The following UBR2 variants were observed in gnomAD, a reference collection of about 807,000 sequenced individuals.
UBR2 encodes E3 ubiquitin-protein ligase UBR2.
UBR2 carries 92 observed loss-of-function variants against 247.9 expected under a neutral mutation model. The ratio of observed to expected loss-of-function variants is 0.37; its 90% CI spans 0.31 to 0.44. The LOEUF (loss-of-function observed/expected upper bound fraction) is 0.44. Among genes scored for constraint, UBR2 ranks in the 20% least tolerant of loss-of-function variants. UBR2 has a pLI of 1.00. For synonymous variants in UBR2, 672 were observed against 693.5 expected, an observed-to-expected ratio of 0.97 and a Z score of 0.49; for missense variants, 1,613 against 2,112.6, an observed-to-expected ratio of 0.76 and a Z score of 4.64.
At chr6:42,650,148 C>A in intron 22 of UBR2, 136 bp from the exon 23 acceptor site, 1 of 628,246 alleles carries the variant, frequency 1.6e-6, no homozygotes, top group Non-Finnish European at 2.7e-6. Context: ...CAAATCAACC[C>A]ACTGAAAATA....
intron 16 of UBR2, 73 bp from the exon 17 acceptor site, chr6:42,641,509 A>G: frequency 1.8e-6 from 2 of 1,136,174 alleles, no homozygotes; most frequent in Non-Finnish European, 2.5e-6. Context: ...TCTATCGACC[A>G]AACTTCTTTT....
rs776660577 is a variant in UBR2 at position 42,651,996 on chromosome 6, G to A, written c.2566-27G>A. The A allele has an allele frequency of 7.0e-6, 11 of 1,570,590 alleles. No individual in the cohort carries two copies. The East Asian group carries it at 9.4e-5, about 13-fold the overall frequency. The stretch of plus-strand genomic sequence containing the variant: ...GTGGTGGTGGGCATTACTAATTCCC[G>A]GTCCAAATAACTTTATTTTTTATTA... On this transcript the variant is annotated intron_variant, in intron 23 of 46. Transcript: ENST00000372901.
At chr6:42,567,127 A>G (rs1248194120) in intron 1 of UBR2, among the ~76,000 whole-genome samples, 1 of 152,200 alleles carries the variant, frequency 6.6e-6, no homozygotes. Flanking sequence ...CCATTTAAAA[A>G]TCACCTAATG....
intron 11 of UBR2, among the ~76,000 whole-genome samples, chr6:42,623,894 T>C (rs1454569280): frequency 6.6e-6 from 1 of 152,212 alleles, no homozygotes; most frequent in Non-Finnish European, 1.5e-5. Flanking sequence ...TTTATTACTT[T>C]TGCTTTAAGG....
At chr6:42,653,231 T>G (rs1427104166) in intron 25 of UBR2, among the ~76,000 whole-genome samples, 2 of 152,116 alleles carry the variant, frequency 1.3e-5, no homozygotes, top group African/African-American at 4.8e-5. Flanking sequence ...ATTACAGGCA[T>G]GCATCACAAC....
chr6:42,640,385 T>G (rs2747120), intron 16 of UBR2, 115 bp downstream of exon 16: 41,293 of 76,720 alleles, frequency 0.54, 12,075 homozygotes, highest in East Asian at 0.71. Flanking sequence ...ACCAGTAAGG[T>G]GTGTGTGTGT....
intron 24 of UBR2, 29 bp from the exon 25 acceptor site, chr6:42,652,462 G>A: frequency 6.3e-7 from 1 of 1,576,272 alleles, no homozygotes; most frequent in Non-Finnish European, 8.6e-7. Context: ...TTCTGTAAAA[G>A]AAACCAATAA....
chr6:42,656,098 A>C (rs1341999887), intron 26 of UBR2, among the ~76,000 whole-genome samples: 1 of 152,210 alleles, frequency 6.6e-6, no homozygotes, highest in Non-Finnish European at 1.5e-5. Context: ...ACAAGTTGAA[A>C]GAATTGTCCA....
At chr6:42,569,210 A>G (rs936155423) in intron 1 of UBR2, among the ~76,000 whole-genome samples, 4 of 152,202 alleles carry the variant, frequency 2.6e-5, no homozygotes, top group Admixed American at 6.5e-5. Flanking sequence ...TTGGTGGGTC[A>G]TATGTTAACT....
At position 42,645,563 on chromosome 6, in the gene UBR2, T is replaced by G; in HGVS notation, c.2382T>G (p.Ser794Arg). 1 of 1,613,556 alleles carries G rather than the reference T, an allele frequency of 6.2e-7. No individual in the cohort carries two copies. The highest frequency in any genetic ancestry group is 8.5e-7 in the Non-Finnish European group (1 of 1,179,820). Residue 794 changes from serine (S) to arginine (R), a missense_variant, in exon 21 of 47, where the codon AGT (serine) becomes AGG (arginine). Transcript: ENST00000372901. Reference protein sequence around the residue: ...HQLSIKPMAHSELVKSLPEDE... With the variant: ...HQLSIKPMAHRELVKSLPEDE... ...TGAGTATCAAGCCTATGGCTCATAG[T>G]GAATTGGTAAAGTCTTTACCTGAAG... is the stretch of plus-strand genomic sequence containing the variant.
intron 11 of UBR2, among the ~76,000 whole-genome samples, chr6:42,628,301 A>G (rs551818996): frequency 2.6e-5 from 4 of 152,252 alleles, no homozygotes; most frequent in Non-Finnish European, 5.9e-5. Flanking sequence ...CTCTGTTAAT[A>G]ATTATTATGC....
chr6:42,681,978 G>A (rs1158543591), intron 42 of UBR2, among the ~76,000 whole-genome samples: 2 of 152,208 alleles, frequency 1.3e-5, no homozygotes, highest in Admixed American at 6.5e-5. Flanking sequence ...GGAGGCTGAG[G>A]CAGGAGAATC....
intron 2 of UBR2, among the ~76,000 whole-genome samples, chr6:42,582,368 A>G (rs1205500414): frequency 1.3e-5 from 2 of 152,018 alleles, no homozygotes; most frequent in Middle Eastern, 3.2e-3. Flanking sequence ...CTAGACTGTA[A>G]TAATACAGTG....
chr6:42,587,035 G>T (rs189808736), intron 2 of UBR2, among the ~76,000 whole-genome samples: 73 of 151,992 alleles, frequency 4.8e-4, no homozygotes, highest in Non-Finnish European at 9.0e-4. Context: ...GGCCAGGCTG[G>T]TCTTGAACTC....
At position 42,683,089 on chromosome 6, in the gene UBR2, G is replaced by T; in HGVS notation, c.4753G>T (p.Glu1585Ter). 3 of 1,612,714 alleles carry T rather than the reference G, an allele frequency of 1.9e-6. No homozygotes were observed. Among genetic ancestry groups the T allele is most frequent in the Non-Finnish European group, 2.5e-6 (3 of 1,179,498 alleles). ...CRNSEVKRYL[E>*]GERDAIRYPR... is the part of the protein sequence containing the mutation. ...TAACAGTGAAGTTAAAAGATATCTA[G>T]AAGGTGAAAGAGATGCTATAAGGTA... is the stretch of plus-strand genomic sequence containing the variant. The change falls in exon 43 of 47, where the codon GAA becomes TAA. Residue 1585 changes from glutamate (E) to a stop codon, truncating the protein, a stop_gained. Coordinates refer to ENST00000372901, the MANE Select transcript of UBR2 (RefSeq NM_001363705.2). LOFTEE classifies it high-confidence loss of function.
chr6:42,682,068 T>C (rs949617493), intron 42 of UBR2, among the ~76,000 whole-genome samples: 1 of 152,154 alleles, frequency 6.6e-6, no homozygotes, highest in Non-Finnish European at 1.5e-5. Context: ...AGCAAGACTC[T>C]GTCTCAAAAA....
intron 28 of UBR2, 133 bp downstream of exon 28, chr6:42,658,453 C>CT: frequency 9.0e-7 from 1 of 1,109,556 alleles, no homozygotes; most frequent in Non-Finnish European, 1.3e-6. Context: ...CTATTTATCT[C>CT]TATTTGTTGT....
chr6:42,674,710 A>C (rs1798626316), intron 38 of UBR2, among the ~76,000 whole-genome samples: 1 of 151,734 alleles, frequency 6.6e-6, no homozygotes, highest in African/African-American at 2.4e-5. Context: ...TGCAGTGACC[A>C]AGATTGCATG....
At chr6:42,617,987 G>A (rs1318436588) in intron 11 of UBR2, among the ~76,000 whole-genome samples, 1 of 152,148 alleles carries the variant, frequency 6.6e-6, no homozygotes, top group Admixed American at 6.5e-5. Flanking sequence ...TAAAGGCATC[G>A]TTATGTTTTA....
Sources: allele counts gnomAD v4.1 joint callset (sites outside exome capture counted in the v4.1 genomes callset), GRCh38; gene constraint gnomAD v4.1.1; transcripts MANE v1.5; gene names NCBI Gene and HGNC (gene_info 2026-07-23, HGNC 2026-07-21).